The following GPATCH2 variants were observed in gnomAD, a reference collection of about 807,000 sequenced individuals.
GPATCH2 encodes the protein G-patch domain containing 2, also known as G patch domain-containing protein 2.
Under a neutral mutation model 58.0 loss-of-function variants are expected in GPATCH2, and 51 were observed. The observed-to-expected ratio is 0.88, with a 90% CI of 0.70 to 1.11. GPATCH2 has a LOEUF of 1.11. Among genes scored for constraint, GPATCH2 ranks in the 50% most tolerant of loss-of-function variants. GPATCH2 has a pLI of 0.00. For missense variants in GPATCH2, 625 were observed against 652.2 expected (o/e 0.96, Z 0.45); for synonymous variants, 222 against 218.5 (o/e 1.02, Z -0.14).
chr1:217,615,581 ACTCAAATGAAGGGT>A (rs1030070511), intron 2 of GPATCH2, among the ~76,000 whole-genome samples: 3 of 152,056 alleles, frequency 2.0e-5, no homozygotes, highest in African/African-American at 7.2e-5. Context: ...CATTAACACA[ACTCAAATGAAGGGT>A]CTCATATACA....
chr1:217,567,045 G>GT (rs549350813), intron 5 of GPATCH2, among the ~76,000 whole-genome samples: 32,971 of 140,402 alleles, frequency 0.23, 5,064 homozygotes, highest in East Asian at 0.6. Flanking sequence ...ATAACTTCTG[G>GT]CTTTTTTTTT....
At chr1:217,612,356 T>C (rs1327753905) in intron 3 of GPATCH2, among the ~76,000 whole-genome samples, 1 of 152,166 alleles carries the variant, frequency 6.6e-6, no homozygotes, top group East Asian at 1.9e-4. Context: ...GAAAGATATT[T>C]CTGATTTCTA....
At chr1:217,448,922 G>T (rs530276051) in intron 9 of GPATCH2, among the ~76,000 whole-genome samples, 1 of 152,110 alleles carries the variant, frequency 6.6e-6, no homozygotes, top group African/African-American at 2.4e-5. Flanking sequence ...GGGGTTATTT[G>T]TCATTTCATC....
intron 5 of GPATCH2, among the ~76,000 whole-genome samples, chr1:217,551,825 T>A (rs933842440): frequency 6.6e-6 from 1 of 152,120 alleles, no homozygotes. Context: ...TTATGGAACT[T>A]GTATAAGGAA....
intron 1 of GPATCH2, among the ~76,000 whole-genome samples, chr1:217,627,809 T>C (rs1669539096): frequency 6.6e-6 from 1 of 152,106 alleles, no homozygotes; most frequent in Admixed American, 6.5e-5. Context: ...TCTGATTTTT[T>C]TGCTACTTCA....
intron 6 of GPATCH2, among the ~76,000 whole-genome samples, chr1:217,501,638 T>C (rs1193991096): frequency 6.6e-6 from 1 of 152,148 alleles, no homozygotes; most frequent in Non-Finnish European, 1.5e-5. Flanking sequence ...GCCAATCTGA[T>C]AGATATGTAG....
intron 5 of GPATCH2, among the ~76,000 whole-genome samples, chr1:217,522,067 T>C (rs1250951930): frequency 3.9e-5 from 6 of 152,208 alleles, no homozygotes; most frequent in Non-Finnish European, 5.9e-5. Context: ...CATACACATA[T>C]AGTTGTATGT....
intron 5 of GPATCH2, among the ~76,000 whole-genome samples, chr1:217,532,844 C>T (rs1664258746): frequency 6.7e-6 from 1 of 150,268 alleles, no homozygotes; most frequent in Non-Finnish European, 1.5e-5. Context: ...GAGGGTCCCA[C>T]TGGTCTTAAT....
rs374284570 is a variant in GPATCH2, at chr1:217,619,771, T to A, written c.773+12A>T. The stretch of plus-strand genomic sequence containing the variant: ...GATAAATATTTTTATATTTAGAGAA[T>A]ATAAAAGTCACCTTTCACTCATGAG... On this transcript the variant is annotated intron_variant, in intron 2 of 9. Coordinates refer to ENST00000366935, the MANE Select transcript of GPATCH2 (RefSeq NM_018040.5). The A allele has an allele frequency of 8.4e-7, 1 of 1,194,150 alleles. No homozygotes were observed. Among genetic ancestry groups the A allele is most frequent in the Non-Finnish European group, 1.2e-6 (1 of 848,902 alleles). The allele number at this position is 1,194,150 out of a possible 1,614,324, so 74.0% of individuals were successfully genotyped here. A position where few individuals can be genotyped will look rare whatever the true frequency, so the allele number is the denominator to read the frequency against.
At chr1:217,461,280 T>A (rs1366133930) in intron 8 of GPATCH2, among the ~76,000 whole-genome samples, 1 of 152,206 alleles carries the variant, frequency 6.6e-6, no homozygotes, top group Admixed American at 6.5e-5. Context: ...TTGGTGGAAT[T>A]CAATTGGAAA....
intron 5 of GPATCH2, among the ~76,000 whole-genome samples, chr1:217,577,736 C>CTTA (rs376671860): frequency 0.018 from 2,559 of 146,154 alleles, 27 homozygotes; most frequent in Middle Eastern, 0.049. Context: ...TCTGGTTTTA[C>CTTA]TTATTATTAT....
rs1291221564 is a variant in GPATCH2 at position 217,523,956 on chromosome 1, C to A, written c.1099-9067G>T. On this transcript the variant is annotated intron_variant, in intron 5 of 9. Transcript: ENST00000366935. ...CAGTTGGCCGGGCGGGGGGCTGACC[C>A]CCACACCTCCCTCCCGGACGGGGCG... 2.8e-4 allele frequency among the ~76,000 whole-genome samples: 37 copies of A among 130,800 alleles called. 1 individual carries two copies. The highest frequency in any genetic ancestry group is 2.7e-3 in the Admixed American group (37 of 13,558). The allele number at this position is 130,800 out of a possible 152,430, so 85.8% of individuals were successfully genotyped here.
intron 3 of GPATCH2, among the ~76,000 whole-genome samples, chr1:217,611,846 T>G (rs1668647076): frequency 6.6e-6 from 1 of 152,142 alleles, no homozygotes; most frequent in Non-Finnish European, 1.5e-5. Flanking sequence ...ACATTTTTTG[T>G]CTGTGAGACA....
chr1:217,585,410 C>T (rs1344698353), intron 5 of GPATCH2, among the ~76,000 whole-genome samples: 2 of 152,066 alleles, frequency 1.3e-5, no homozygotes, highest in African/African-American at 4.8e-5. Flanking sequence ...ATCACGAGGT[C>T]GAGAGATTGA....
intron 5 of GPATCH2, among the ~76,000 whole-genome samples, chr1:217,515,799 TAAA>T (rs36063116): frequency 2.0e-5 from 3 of 148,818 alleles, no homozygotes; most frequent in Non-Finnish European, 4.5e-5. Context: ...ACTTATTACA[TAAA>T]AAAAAAAGTT....
intron 5 of GPATCH2, among the ~76,000 whole-genome samples, chr1:217,544,009 G>A (rs1389173574): frequency 6.6e-6 from 1 of 152,178 alleles, no homozygotes; most frequent in Non-Finnish European, 1.5e-5. Flanking sequence ...TTTGTAGTGT[G>A]TGTATATAGT....
At chr1:217,508,570 A>G (rs1243244352) in intron 6 of GPATCH2, among the ~76,000 whole-genome samples, 1 of 152,134 alleles carries the variant, frequency 6.6e-6, no homozygotes, top group Non-Finnish European at 1.5e-5. Flanking sequence ...AGAAAGGAAA[A>G]CTTTCTGGAA....
intron 2 of GPATCH2, among the ~76,000 whole-genome samples, chr1:217,616,816 C>T (rs1030376467): frequency 1.1e-4 from 17 of 152,112 alleles, no homozygotes; most frequent in African/African-American, 4.1e-4. Context: ...TATATGTACA[C>T]TAATATCAAT....
intron 5 of GPATCH2, among the ~76,000 whole-genome samples, chr1:217,540,750 A>T (rs1287211996): frequency 6.6e-6 from 1 of 152,206 alleles, no homozygotes; most frequent in Non-Finnish European, 1.5e-5. Context: ...GCAGTGAGGA[A>T]CCTAGTACAC....
Sources: allele counts gnomAD v4.1 joint callset (sites outside exome capture counted in the v4.1 genomes callset), GRCh38; gene constraint gnomAD v4.1.1; transcripts MANE v1.5; gene names NCBI Gene and HGNC (gene_info 2026-07-23, HGNC 2026-07-21).